CYP11A1: variants seen among roughly 807,000 people sequenced by gnomAD.
CYP11A1 encodes the protein cytochrome P450 family 11 subfamily A member 1.
Under a neutral mutation model 51.9 loss-of-function variants are expected in CYP11A1, and 25 were observed. The ratio of observed to expected loss-of-function variants is 0.48; its 90% confidence interval spans 0.35 to 0.67. CYP11A1 has a LOEUF of 0.67. Among genes scored for constraint, CYP11A1 ranks in the 30% least tolerant of loss-of-function variants. The pLI is 0.00. For missense variants in CYP11A1, 578 were observed against 680.9 expected, an observed-to-expected ratio of 0.85 and a Z score of 1.68; for synonymous variants, 245 against 262.1, an observed-to-expected ratio of 0.93 and a Z score of 0.63.
At chr15:74,342,945 G>T (rs775994837) in intron 5 of CYP11A1, 32 bp downstream of exon 5, 1 of 1,610,964 alleles carries the variant, frequency 6.2e-7, no homozygotes, top group Admixed American at 1.7e-5. Flanking sequence ...GGCACAGGGG[G>T]CAACAAGGTG....
intron 8 of CYP11A1, 176 bp downstream of exon 8, chr15:74,338,395 C>T (rs2060589439): frequency 2.6e-6 from 2 of 764,858 alleles, no homozygotes; most frequent in Admixed American, 4.0e-5. Context: ...AGTGGTTGAG[C>T]CCGAAAGAGG....
At chr15:74,363,910 T>C (rs1161713986) in intron 1 of CYP11A1, 2 of 152,204 alleles carry the variant, frequency 1.3e-5, no homozygotes, top group South Asian at 2.1e-4. Context: ...ACTGATCTCA[T>C]GCACTAGGCC....
At chr15:74,348,515 C>A (rs563250026) in intron 1 of CYP11A1, among the ~76,000 whole-genome samples, 10 of 152,318 alleles carry the variant, frequency 6.6e-5, no homozygotes, top group African/African-American at 2.4e-4. Flanking sequence ...CTCACTATAG[C>A]TTGCAAGGTA....
At chr15:74,349,041 A>G (rs1449068017) in intron 1 of CYP11A1, among the ~76,000 whole-genome samples, 2 of 152,200 alleles carry the variant, frequency 1.3e-5, no homozygotes, top group Non-Finnish European at 2.9e-5. Context: ...CAACTGTTAC[A>G]TATGACTGGT....
chr15:74,366,088 G>A (rs868828183), intron 1 of CYP11A1: 1 of 985,546 alleles, frequency 1.0e-6, no homozygotes, highest in Non-Finnish European at 1.2e-6. Context: ...GAGGGGAGGC[G>A]GAGGTGAGCG....
chr15:74,339,562 G>A (rs768022753), intron 6 of CYP11A1, 25 bp downstream of exon 6: 43 of 1,608,724 alleles, frequency 2.7e-5, no homozygotes, highest in Non-Finnish European at 3.6e-5. Flanking sequence ...GGAGTTGGGG[G>A]CGGCATGGGT....
chr15:74,366,090 A>G, intron 1 of CYP11A1: 2 of 985,454 alleles, frequency 2.0e-6, no homozygotes, highest in Non-Finnish European at 2.4e-6. Flanking sequence ...GGGGAGGCGG[A>G]GGTGAGCGAC....
intron 1 of CYP11A1, among the ~76,000 whole-genome samples, chr15:74,353,560 G>A (rs2141240986): frequency 6.6e-6 from 1 of 152,294 alleles, no homozygotes; most frequent in East Asian, 1.9e-4. Context: ...TAATTGCACA[G>A]GATGTATGAT....
chr15:74,361,007 G>A (rs1045229923), intron 1 of CYP11A1, among the ~76,000 whole-genome samples: 1 of 152,208 alleles, frequency 6.6e-6, no homozygotes, highest in Non-Finnish European at 1.5e-5. Context: ...GTTTTTTTGT[G>A]TGTGTGGAAG....
intron 1 of CYP11A1, chr15:74,365,310 A>AG (rs2060727256): frequency 1.2e-5 from 1 of 82,240 alleles, no homozygotes; most frequent in African/African-American, 3.3e-5. Context: ...AGGCCCAAAG[A>AG]CAAAAAAAAA....
rs2060627189 is a variant in CYP11A1 at position 74,345,161 on chromosome 15, G to A, written c.508C>T (p.Leu170=). 1.2e-6 allele frequency: 2 copies of A among 1,614,182 alleles called. No individual in the cohort carries two copies. Among genetic ancestry groups the A allele is most frequent in the East Asian group, 2.2e-5 (1 of 44,884 alleles). The change falls in exon 3 of 9, where the codon CTG becomes TTG. Residue 170 remains leucine (L), a synonymous_variant. Coordinates refer to ENST00000268053, the MANE Select transcript of CYP11A1 (RefSeq NM_000781.3). This position sits in a 1 kb window ranked among gnomAD's most constrained non-coding sequence, Gnocchi z 4.3. The stretch of plus-strand genomic sequence containing the variant: ...AAGTCCCGAGACACTGCATCCAACA[G>A]GGGCAAAAAGTTCTTGGTGGCCTCT... The part of the protein sequence containing the change: ...APEATKNFLP[L]LDAVSRDFVS...
Position 74,365,870 on chromosome 15 carries a change from C to T in CYP11A1, c.269+1447G>A, listed in dbSNP as rs1360641987. 3.0e-6 allele frequency: 3 copies of T among 985,336 alleles called. No homozygotes were observed. In the East Asian group the frequency reaches 3.4e-4, roughly 112 times the overall value. The allele number at this position is 985,336 out of a possible 1,614,324, so 61.0% of individuals were successfully genotyped here. ...GGGTCGCTCCCTGCTTCGCCGCCGC[C>T]TCCTGGCAGGGCCAGCGAAGCCAGT... is the stretch of plus-strand genomic sequence containing the variant. On this transcript the variant is annotated intron_variant, in intron 1 of 8. Transcript: ENST00000268053.
At chr15:74,349,997 A>G (rs1265138929) in intron 1 of CYP11A1, among the ~76,000 whole-genome samples, 1 of 152,200 alleles carries the variant, frequency 6.6e-6, no homozygotes, top group South Asian at 2.1e-4. Context: ...AAGGAAGAAG[A>G]TATAAATAAA....
intron 5 of CYP11A1, among the ~76,000 whole-genome samples, chr15:74,342,526 A>G (rs149851092): frequency 1.5e-3 from 236 of 152,296 alleles, no homozygotes; most frequent in African/African-American, 5.2e-3. Context: ...CAACAAAAAG[A>G]CCATGGACGG....
intron 3 of CYP11A1, 138 bp downstream of exon 3, chr15:74,344,906 G>A: frequency 1.2e-6 from 1 of 846,506 alleles, no homozygotes; most frequent in Non-Finnish European, 2.0e-6. Context: ...GCAGGCAGTG[G>A]AGGACATGAT....
At chr15:74,359,579 C>T (rs2060697458) in intron 1 of CYP11A1, 1 of 152,198 alleles carries the variant, frequency 6.6e-6, no homozygotes. Flanking sequence ...CACTGAGCAC[C>T]TTGTGTCCCC....
chr15:74,345,263 C>G lies in CYP11A1; in HGVS notation c.426-20G>C. ...GACTTCCTGAGAAAACATGGGCCCACAAGCCCTCATGGTCACAGACCCCAG... is the reference window on the plus strand; with the variant it reads ...GACTTCCTGAGAAAACATGGGCCCAGAAGCCCTCATGGTCACAGACCCCAG... On this transcript the variant is annotated intron_variant, in intron 2 of 8. Transcript: ENST00000268053. This position sits in a 1 kb window ranked among gnomAD's most constrained non-coding sequence, Gnocchi z 4.3. 6.2e-7 allele frequency: 1 copy of G among 1,614,106 alleles called. No individual in the cohort carries two copies. Among genetic ancestry groups the G allele is most frequent in the Non-Finnish European group, 8.5e-7 (1 of 1,179,978 alleles).
intron 1 of CYP11A1, among the ~76,000 whole-genome samples, chr15:74,351,396 T>C (rs1381495752): frequency 6.6e-6 from 1 of 152,220 alleles, no homozygotes; most frequent in East Asian, 1.9e-4. Context: ...TAAATGTTTC[T>C]GGGGGCTTAA....
rs1211521010 is a variant in CYP11A1 at position 74,338,678 on chromosome 15, TGCTCAGCCATCGGGTTG to T, written c.1310_1326del (p.Pro437GlnfsTer27). 1 of 1,614,050 alleles carries T rather than the reference TGCTCAGCCATCGGGTTG, an allele frequency of 6.2e-7. No homozygotes were observed. The highest frequency in any genetic ancestry group is 8.5e-7 in the Non-Finnish European group (1 of 1,180,022). On this transcript the variant is annotated frameshift_variant, in exon 8 of 9. Transcript: ENST00000268053. LOFTEE classifies it high-confidence loss of function. ...CGGAAGTAGGTGATGTTCTTGTCTTTGCTCAGCCATCGGGTTGGGTCAAAATTTTCCGGGTCGAAGAA... is the reference window on the plus strand; with the variant it reads ...CGGAAGTAGGTGATGTTCTTGTCTTTGGTCAAAATTTTCCGGGTCGAAGAA...
Sources: gnomAD v4.1 joint callset for allele counts (sites outside exome capture counted in the v4.1 genomes callset) on GRCh38, gnomAD v4.1.1 for gene constraint, Gnocchi (gnomAD v3.1) non-coding constraint, MANE v1.5 for transcripts, NCBI Gene and HGNC (gene_info 2026-07-23, HGNC 2026-07-21) for gene names.